AOAH: variants seen among roughly 807,000 people sequenced by gnomAD.
The protein encoded by AOAH is acyloxyacyl hydrolase (neutrophil).
AOAH carries 64 observed loss-of-function variants against 92.2 expected under a neutral mutation model. That is an observed-to-expected ratio of 0.69 (90% CI 0.57 to 0.86). The LOEUF is 0.86. Ranked by LOEUF, AOAH falls within the 40% of genes least tolerant of loss-of-function variation. The pLI is 0.00. For missense variants in AOAH, 656 were observed against 694.6 expected (o/e 0.94, Z 0.62); for synonymous variants, 263 against 254.5 (o/e 1.03, Z -0.32).
chr7:36,715,411 A>G (rs1301114172), intron 1 of AOAH, among the ~76,000 whole-genome samples: 1 of 152,144 alleles, frequency 6.6e-6, no homozygotes, highest in Non-Finnish European at 1.5e-5. Flanking sequence ...AAGGTAATTT[A>G]TAGATTCAAT....
At chr7:36,638,283 T>G (rs73687602) in intron 4 of AOAH, among the ~76,000 whole-genome samples, 4,852 of 152,278 alleles carry the variant, frequency 0.032, 254 homozygotes, top group African/African-American at 0.11. Context: ...CTGATCTCCA[T>G]AAGCAACTTA....
chr7:36,543,618 AACG>A (rs1583776925), intron 15 of AOAH, among the ~76,000 whole-genome samples: 4 of 149,822 alleles, frequency 2.7e-5, no homozygotes, highest in Non-Finnish European at 4.5e-5. Context: ...CCTGATGCTA[AACG>A]AAGAATCTGA....
rs1791721443 is a variant in AOAH at position 36,614,576 on chromosome 7, C to T, written c.846+1804G>A. Among the ~76,000 whole-genome samples, 2 of 152,210 alleles carry T rather than the reference C, an allele frequency of 1.3e-5. 1 individual carries two copies. Among genetic ancestry groups the T allele is most frequent in the South Asian group, 4.1e-4 (2 of 4,832 alleles). On this transcript the variant is annotated intron_variant, in intron 11 of 20. Transcript: ENST00000617537. The surrounding 1 kb of genome is among the most constrained non-coding windows in gnomAD (Gnocchi z 4.2). ...GATGGGTTCCTGGCCACTCACTCCC[C>T]AGCCTGTCTTCTCCTTCTTGCCCTG...
intron 1 of AOAH, among the ~76,000 whole-genome samples, chr7:36,711,096 T>C (rs1798740357): frequency 6.6e-6 from 1 of 152,104 alleles, no homozygotes; most frequent in Non-Finnish European, 1.5e-5. Flanking sequence ...CACAAGCACA[T>C]TATAGAAAGT....
chr7:36,648,787 T>A (rs1000349096), intron 4 of AOAH, among the ~76,000 whole-genome samples: 39 of 152,352 alleles, frequency 2.6e-4, no homozygotes, highest in African/African-American at 8.7e-4. Context: ...TTTGAAATGC[T>A]ATTTTAATCA....
intron 1 of AOAH, among the ~76,000 whole-genome samples, chr7:36,719,960 T>A (rs900922625): frequency 3.3e-5 from 5 of 151,304 alleles, no homozygotes; most frequent in African/African-American, 1.2e-4. Flanking sequence ...AAAAGATGAA[T>A]CATTCTTGCT....
At chr7:36,620,850 T>C (rs779815172) in intron 8 of AOAH, 21 bp from the exon 9 acceptor site, 5 of 1,612,384 alleles carry the variant, frequency 3.1e-6, no homozygotes, top group Non-Finnish European at 4.2e-6. Flanking sequence ...AACATTAACA[T>C]TGGTCTTTGA....
At chr7:36,713,532 T>C (rs1798917551) in intron 1 of AOAH, among the ~76,000 whole-genome samples, 1 of 152,216 alleles carries the variant, frequency 6.6e-6, no homozygotes, top group Non-Finnish European at 1.5e-5. Flanking sequence ...TACTTTCTTT[T>C]CAGCACCACA....
At chr7:36,539,386 A>G (rs1785275274) in intron 16 of AOAH, among the ~76,000 whole-genome samples, 1 of 152,158 alleles carries the variant, frequency 6.6e-6, no homozygotes, top group South Asian at 2.1e-4. Flanking sequence ...CTTCTTATAG[A>G]TGCTCATCAG....
intron 12 of AOAH, among the ~76,000 whole-genome samples, chr7:36,583,211 T>C (rs113840932): frequency 8.5e-5 from 13 of 152,220 alleles, no homozygotes; most frequent in African/African-American, 2.4e-4. Context: ...GTAGGGTTGG[T>C]GAGAAATACC....
chr7:36,609,259 C>T (rs1361786178), intron 11 of AOAH, among the ~76,000 whole-genome samples: 1 of 152,190 alleles, frequency 6.6e-6, no homozygotes, highest in East Asian at 1.9e-4. Context: ...GGAATTACAA[C>T]TAGAATTTTC....
rs1442265050 is a variant in AOAH at position 36,658,641 on chromosome 7, A to G, written c.390+525T>C. Among the ~76,000 whole-genome samples the G allele has an allele frequency of 2.0e-5, 3 of 152,310 alleles. No homozygotes were observed. In the East Asian group the frequency reaches 5.8e-4, roughly 29 times the overall value. ...TAACACTTTAAAAACTGTATCAGTTATTGTGCTAAGCATTTTTTACATATT... is the reference window on the plus strand; with the variant it reads ...TAACACTTTAAAAACTGTATCAGTTGTTGTGCTAAGCATTTTTTACATATT... On this transcript the variant is annotated intron_variant, in intron 4 of 20. Coordinates refer to ENST00000617537, the MANE Select transcript of AOAH (RefSeq NM_001637.4).
chr7:36,632,640 C>G (rs1266404946), intron 5 of AOAH, among the ~76,000 whole-genome samples: 3 of 152,154 alleles, frequency 2.0e-5, no homozygotes, highest in Non-Finnish European at 2.9e-5. Context: ...ACTAAAAGCC[C>G]TGACGTTTTA....
intron 20 of AOAH, among the ~76,000 whole-genome samples, chr7:36,519,497 C>T (rs995338653): frequency 1.1e-4 from 17 of 152,242 alleles, no homozygotes; most frequent in African/African-American, 4.1e-4. Context: ...ATGGCATGAT[C>T]TCAGCTCATT....
intron 1 of AOAH, among the ~76,000 whole-genome samples, chr7:36,704,195 G>T (rs1379374521): frequency 6.6e-6 from 1 of 151,846 alleles, no homozygotes. Context: ...TTTTTGATGG[G>T]GTTGTTTGTT....
At chr7:36,629,139 G>A (rs1312351820) in intron 6 of AOAH, among the ~76,000 whole-genome samples, 2 of 152,184 alleles carry the variant, frequency 1.3e-5, no homozygotes, top group South Asian at 2.1e-4. Context: ...ATATGTATAC[G>A]TGCTTTTTAA....
intron 16 of AOAH, among the ~76,000 whole-genome samples, chr7:36,537,767 C>T (rs1785170233): frequency 6.6e-6 from 1 of 151,994 alleles, no homozygotes; most frequent in South Asian, 2.1e-4. Flanking sequence ...AGGTGATCCG[C>T]CCACCTTGGC....
At chr7:36,621,957 G>A (rs928454528) in intron 7 of AOAH, among the ~76,000 whole-genome samples, 177 bp from the exon 8 acceptor site, 3 of 152,114 alleles carry the variant, frequency 2.0e-5, no homozygotes, top group African/African-American at 7.2e-5. Flanking sequence ...CATGCTGCGT[G>A]AGTGACATGT....
chr7:36,688,497 T>C (rs1797177107), intron 1 of AOAH, among the ~76,000 whole-genome samples: 1 of 151,988 alleles, frequency 6.6e-6, no homozygotes. Context: ...TAAATTTTAA[T>C]AACTACAACT....
Sources: gnomAD v4.1 joint callset for allele counts (sites outside exome capture counted in the v4.1 genomes callset) on GRCh38, gnomAD v4.1.1 for gene constraint, Gnocchi (gnomAD v3.1) non-coding constraint, MANE v1.5 for transcripts, NCBI Gene and HGNC (gene_info 2026-07-23, HGNC 2026-07-21) for gene names.